The following KCNIP1 variants were observed in gnomAD, a reference collection of about 807,000 sequenced individuals.
The protein encoded by KCNIP1 is A-type potassium channel modulatory protein KCNIP1.
In KCNIP1, 18 loss-of-function variants were observed where a neutral mutation model predicts 33.0. That is an observed-to-expected ratio of 0.55 (90% CI 0.38 to 0.81). The LOEUF (loss-of-function observed/expected upper bound fraction) is 0.81. KCNIP1 is among the 30% of genes least tolerant of loss of function. The pLI, the probability that KCNIP1 is intolerant of heterozygous loss-of-function variation, is 0.00. For missense variants in KCNIP1, 238 were observed against 271.6 expected (o/e 0.88, Z 0.87); for synonymous variants, 93 against 98.3 (o/e 0.95, Z 0.32).
At chr5:170,666,278 G>A (rs1761698260) in intron 1 of KCNIP1, among the ~76,000 whole-genome samples, 1 of 152,260 alleles carries the variant, frequency 6.6e-6, no homozygotes, top group South Asian at 2.1e-4. Flanking sequence ...GGCTCTTGCA[G>A]TTGGCTCCTA....
At chr5:170,722,572 A>G (rs1763864557) in intron 4 of KCNIP1, 141 bp from the exon 5 acceptor site, 4 of 691,858 alleles carry the variant, frequency 5.8e-6, no homozygotes, top group African/African-American at 5.5e-5. Flanking sequence ...CTCTTCACAG[A>G]GCATAGCCAC....
At chr5:170,394,097 G>C (rs1363974527) in intron 1 of KCNIP1, among the ~76,000 whole-genome samples, 1 of 152,120 alleles carries the variant, frequency 6.6e-6, no homozygotes, top group African/African-American at 2.4e-5. Flanking sequence ...CACACATAAA[G>C]GAAGCATGTG....
At chr5:170,422,294 C>A (rs956963492) in intron 1 of KCNIP1, 1 of 152,228 alleles carries the variant, frequency 6.6e-6, no homozygotes, top group African/African-American at 2.4e-5. Context: ...CCCACAGCTG[C>A]GTGACTATGT....
chr5:170,576,800 T>C (rs1017532289), intron 1 of KCNIP1, among the ~76,000 whole-genome samples: 1 of 152,270 alleles, frequency 6.6e-6, no homozygotes, highest in Admixed American at 6.5e-5. Flanking sequence ...TCAGTCAACC[T>C]GGACTGACTC....
At chr5:170,394,639 G>T (rs753598335) in intron 1 of KCNIP1, among the ~76,000 whole-genome samples, 20 of 152,180 alleles carry the variant, frequency 1.3e-4, no homozygotes, top group Non-Finnish European at 1.9e-4. Context: ...ACACGTGCAG[G>T]TTTGTTGTGA....
intron 1 of KCNIP1, among the ~76,000 whole-genome samples, chr5:170,453,255 T>C (rs1476158914): frequency 2.0e-5 from 3 of 152,230 alleles, no homozygotes; most frequent in African/African-American, 7.2e-5. Context: ...AGTCACTTAG[T>C]TTCTCAATTT....
chr5:170,574,763 G>A (rs1757537980), intron 1 of KCNIP1, among the ~76,000 whole-genome samples: 1 of 152,246 alleles, frequency 6.6e-6, no homozygotes, highest in Admixed American at 6.5e-5. Context: ...CCATGGCAGG[G>A]CACACTCACA....
At chr5:170,649,449 G>A (rs1286195827) in intron 1 of KCNIP1, among the ~76,000 whole-genome samples, 1 of 152,110 alleles carries the variant, frequency 6.6e-6, no homozygotes, top group Non-Finnish European at 1.5e-5. Context: ...CTGAACAAAG[G>A]CTCTTGATGA....
intron 1 of KCNIP1, among the ~76,000 whole-genome samples, chr5:170,574,679 G>T (rs1757534762): frequency 6.6e-6 from 1 of 152,010 alleles, no homozygotes; most frequent in Admixed American, 6.6e-5. Flanking sequence ...TCCAGTTCAG[G>T]GTCACAGGTG....
chr5:170,577,082 G>C (rs907168914), intron 1 of KCNIP1, among the ~76,000 whole-genome samples: 1 of 152,210 alleles, frequency 6.6e-6, no homozygotes, highest in African/African-American at 2.4e-5. Context: ...GAGGGTGACT[G>C]ACTTCCTGCT....
intron 1 of KCNIP1, among the ~76,000 whole-genome samples, chr5:170,463,307 G>A (rs558339755): frequency 6.6e-6 from 1 of 152,142 alleles, no homozygotes; most frequent in East Asian, 1.9e-4. Flanking sequence ...AAGAAGAGGG[G>A]ACATTTTCCA....
At chr5:170,395,833 G>A (rs1384355445) in intron 1 of KCNIP1, among the ~76,000 whole-genome samples, 2 of 152,232 alleles carry the variant, frequency 1.3e-5, no homozygotes, top group African/African-American at 4.8e-5. Flanking sequence ...TTCCACTTCT[G>A]CTTAGCTGTG....
chr5:170,505,409 A>G (rs1754679272), intron 1 of KCNIP1, among the ~76,000 whole-genome samples: 1 of 152,212 alleles, frequency 6.6e-6, no homozygotes, highest in Non-Finnish European at 1.5e-5. Context: ...CCTTACCAGC[A>G]GTTCAAAAGT....
intron 1 of KCNIP1, among the ~76,000 whole-genome samples, chr5:170,705,924 G>A (rs1197561504): frequency 6.6e-6 from 1 of 152,152 alleles, no homozygotes; most frequent in Admixed American, 6.5e-5. Context: ...TATGCATGTA[G>A]AGCATCTTAC....
intron 1 of KCNIP1, chr5:170,379,067 G>A: frequency 2.7e-6 from 4 of 1,457,412 alleles, no homozygotes; most frequent in Non-Finnish European, 2.8e-6. Flanking sequence ...CAGCTTTGTA[G>A]TCGGGCCCCT....
chr5:170,489,085 C>T lies in KCNIP1; in HGVS notation c.88+135121C>T, dbSNP rs929446703. 1.3e-5 allele frequency among the ~76,000 whole-genome samples: 2 copies of T among 152,190 alleles called. No homozygotes were observed. Among genetic ancestry groups the T allele is most frequent in the Admixed American group, 1.3e-4 (2 of 15,280 alleles). On this transcript the variant is annotated intron_variant, in intron 1 of 7. Coordinates refer to the KCNIP1 transcript ENST00000377360. This position sits in a 1 kb window ranked among gnomAD's most constrained non-coding sequence, Gnocchi z 4.3. ...GTGTTAGAGAGGAAGGATGTGCCTTCTCCCCCGGAGGCCAGAGGGCAGGAG... is the reference window on the plus strand; with the variant it reads ...GTGTTAGAGAGGAAGGATGTGCCTTTTCCCCCGGAGGCCAGAGGGCAGGAG...
intron 1 of KCNIP1, among the ~76,000 whole-genome samples, chr5:170,397,313 T>C (rs1019454354): frequency 2.6e-5 from 4 of 152,186 alleles, no homozygotes; most frequent in Non-Finnish European, 5.9e-5. Flanking sequence ...ATCCAACTGG[T>C]AGACAGACAA....
chr5:170,688,642 C>T (rs890678042), intron 1 of KCNIP1, among the ~76,000 whole-genome samples: 3 of 152,232 alleles, frequency 2.0e-5, no homozygotes, highest in African/African-American at 4.8e-5. Context: ...CCATGTCACC[C>T]CTCCAGATAA....
intron 1 of KCNIP1, among the ~76,000 whole-genome samples, chr5:170,611,286 C>T (rs1464753953): frequency 6.6e-6 from 1 of 152,164 alleles, no homozygotes; most frequent in Non-Finnish European, 1.5e-5. Flanking sequence ...GTCCAGGCTA[C>T]AAGAGGGACT....
Sources: allele counts gnomAD v4.1 joint callset (sites outside exome capture counted in the v4.1 genomes callset), GRCh38; gene constraint gnomAD v4.1.1; non-coding constraint Gnocchi (gnomAD v3.1); transcripts MANE v1.5; gene names NCBI Gene and HGNC (gene_info 2026-07-23, HGNC 2026-07-21).